The following BRD10 variants were observed in gnomAD, a reference collection of about 807,000 sequenced individuals.
BRD10 encodes the protein bromodomain containing 10.
chr9:5,886,761 A>G, the BRD10 span, among the ~76,000 whole-genome samples: 1 of 152,070 alleles, frequency 6.6e-6, no homozygotes, highest in East Asian at 1.9e-4. Flanking sequence ...GTTAGAGGGA[A>G]CTTCTAGGGG....
chr9:6,007,226 T>A, the BRD10 span: 3 of 1,613,668 alleles, frequency 1.9e-6, no homozygotes, highest in Non-Finnish European at 2.5e-6. Context: ...TGCTCCAGCA[T>A]CATCTCCAGC....
the BRD10 span, among the ~76,000 whole-genome samples, chr9:5,894,136 T>A: frequency 1.3e-5 from 2 of 152,004 alleles, no homozygotes; most frequent in Non-Finnish European, 2.9e-5. This position sits in a 1 kb window ranked among gnomAD's most constrained non-coding sequence, Gnocchi z 4.0. Context: ...GAGGTCAGTA[T>A]CTCTCAGTGT....
the BRD10 span, among the ~76,000 whole-genome samples, chr9:5,913,263 A>T: frequency 1.7e-4 from 26 of 152,346 alleles, no homozygotes; most frequent in East Asian, 2.5e-3. Flanking sequence ...GCATTTAGTA[A>T]ATATCTGGAC....
chr9:5,987,519 A>T, the BRD10 span, among the ~76,000 whole-genome samples: 1 of 152,210 alleles, frequency 6.6e-6, no homozygotes, highest in South Asian at 2.1e-4. Flanking sequence ...GAAAAAAAAA[A>T]TACTTTACAG....
the BRD10 span, among the ~76,000 whole-genome samples, chr9:5,884,394 G>A: frequency 6.6e-6 from 1 of 152,122 alleles, no homozygotes; most frequent in Non-Finnish European, 1.5e-5. Context: ...CCTCAGGCCT[G>A]CCACTCCCTT....
the BRD10 span, among the ~76,000 whole-genome samples, chr9:5,913,083 G>A: frequency 6.6e-6 from 1 of 152,130 alleles, no homozygotes; most frequent in Non-Finnish European, 1.5e-5. Flanking sequence ...CTCTCTGATT[G>A]TTTTTATAGT....
At chr9:5,978,861 T>G in the BRD10 span, among the ~76,000 whole-genome samples, 1 of 152,234 alleles carries the variant, frequency 6.6e-6, no homozygotes, top group Non-Finnish European at 1.5e-5. Context: ...TCATGCAATA[T>G]CAAGTAAGAA....
chr9:5,945,061 T>C, the BRD10 span: 2 of 499,474 alleles, frequency 4.0e-6, no homozygotes, highest in East Asian at 6.8e-5. Context: ...TCACAATTAT[T>C]TTTCTCTGTA....
chr9:5,887,447 G>A, the BRD10 span, among the ~76,000 whole-genome samples: 1 of 152,172 alleles, frequency 6.6e-6, no homozygotes, highest in Non-Finnish European at 1.5e-5. Flanking sequence ...CACATCACCA[G>A]AGAACTTGAA....
chr9:6,004,942 A>C, the BRD10 span, among the ~76,000 whole-genome samples: 1 of 152,218 alleles, frequency 6.6e-6, no homozygotes, highest in African/African-American at 2.4e-5. Flanking sequence ...CAAATACAAA[A>C]AAGCGAGGGA....
chr9:5,997,005 A>G, the BRD10 span, among the ~76,000 whole-genome samples: 1 of 152,218 alleles, frequency 6.6e-6, no homozygotes, highest in Non-Finnish European at 1.5e-5. Flanking sequence ...CAACTCTTCT[A>G]TTTATCTCCT....
At chr9:5,998,531 C>A in the BRD10 span, among the ~76,000 whole-genome samples, 3 of 152,064 alleles carry the variant, frequency 2.0e-5, no homozygotes, top group African/African-American at 7.2e-5. Flanking sequence ...AGAAAAGACT[C>A]CTTTCTCTCA....
At chr9:5,960,524 T>G in the BRD10 span, among the ~76,000 whole-genome samples, 1 of 145,684 alleles carries the variant, frequency 6.9e-6, no homozygotes, top group Non-Finnish European at 1.5e-5. Context: ...AATGCGCCAA[T>G]GCACTCCAGC....
chr9:6,001,311 A>C, the BRD10 span, among the ~76,000 whole-genome samples: 1 of 151,712 alleles, frequency 6.6e-6, no homozygotes, highest in South Asian at 2.1e-4. Context: ...TAAAATCTTC[A>C]CGTTACTCCC....
At chr9:5,980,673 A>G in the BRD10 span, among the ~76,000 whole-genome samples, 1 of 152,122 alleles carries the variant, frequency 6.6e-6, no homozygotes, top group African/African-American at 2.4e-5. Flanking sequence ...CACACAATGT[A>G]TATGTATATA....
At chr9:5,980,014 CAAAAAAAAAAAAAA>C in the BRD10 span, among the ~76,000 whole-genome samples, 1 of 99,988 alleles carries the variant, frequency 1.0e-5, no homozygotes, top group South Asian at 3.2e-4. Context: ...GACTCCATCT[CAAAAAAAAAAAAAA>C]GAAAAAAAAA....
the BRD10 span, among the ~76,000 whole-genome samples, chr9:5,935,117 T>C: frequency 5.0e-4 from 76 of 152,262 alleles, no homozygotes; most frequent in Admixed American, 4.6e-3. Flanking sequence ...ATGAAAAAAG[T>C]TAAAAAGTAC....
chr9:5,977,315 T>C, the BRD10 span, among the ~76,000 whole-genome samples: 1 of 152,176 alleles, frequency 6.6e-6, no homozygotes, highest in Admixed American at 6.5e-5. Flanking sequence ...AGCCTCAGAC[T>C]ATGAATACTA....
At chr9:5,913,672 T>A in the BRD10 span, among the ~76,000 whole-genome samples, 42 of 152,174 alleles carry the variant, frequency 2.8e-4, no homozygotes, top group African/African-American at 9.9e-4. Context: ...ACATGGATGA[T>A]GGCAACTTGA....
Sources: allele counts gnomAD v4.1 joint callset (sites outside exome capture counted in the v4.1 genomes callset), GRCh38; gene constraint gnomAD v4.1.1; non-coding constraint Gnocchi (gnomAD v3.1); transcripts MANE v1.5; gene names NCBI Gene and HGNC (gene_info 2026-07-23, HGNC 2026-07-21).